The following FAM193A variants were observed in gnomAD, a reference collection of about 807,000 sequenced individuals.
FAM193A encodes family with sequence similarity 193 member A, also known as protein FAM193A.
In FAM193A, 22 loss-of-function variants were observed where a neutral mutation model predicts 126.5. The ratio of observed to expected loss-of-function variants is 0.17; its 90% CI spans 0.12 to 0.25. The LOEUF is 0.25. Among genes scored for constraint, FAM193A ranks in the 10% least tolerant of loss-of-function variants. The pLI is 1.00. For missense variants in FAM193A, 1,675 were observed against 1,672.8 expected, an observed-to-expected ratio of 1.00 and a Z score of -0.02; for synonymous variants, 761 against 646.8, an observed-to-expected ratio of 1.18 and a Z score of -2.68.
intron 12 of FAM193A, among the ~76,000 whole-genome samples, chr4:2,665,901 C>T (rs1401763138): frequency 2.6e-5 from 4 of 152,116 alleles, no homozygotes; most frequent in African/African-American, 7.2e-5. Context: ...GGCTGGTGTG[C>T]AGTGGTGCTA....
chr4:2,559,641 C>T (rs1251406588), intron 1 of FAM193A, among the ~76,000 whole-genome samples: 1 of 152,164 alleles, frequency 6.6e-6, no homozygotes, highest in African/African-American at 2.4e-5. Context: ...TAGTCTACTG[C>T]ATTTTCTCTT....
At chr4:2,580,539 G>C (rs1331414938) in intron 1 of FAM193A, among the ~76,000 whole-genome samples, 1 of 152,196 alleles carries the variant, frequency 6.6e-6, no homozygotes, top group Non-Finnish European at 1.5e-5. Flanking sequence ...CTGCTGGGAA[G>C]TGTTGGATCA....
At chr4:2,589,206 A>C (rs1740390831) in intron 1 of FAM193A, among the ~76,000 whole-genome samples, 1 of 152,248 alleles carries the variant, frequency 6.6e-6, no homozygotes, top group South Asian at 2.1e-4. Flanking sequence ...GTAACATTAC[A>C]TGGAGAAAAG....
At chr4:2,643,922 AT>A (rs1560513758) in intron 6 of FAM193A, among the ~76,000 whole-genome samples, 1 of 152,184 alleles carries the variant, frequency 6.6e-6, no homozygotes, top group African/African-American at 2.4e-5. Flanking sequence ...TTCACTTTAA[AT>A]ATGTATTAAT....
intron 12 of FAM193A, among the ~76,000 whole-genome samples, chr4:2,663,768 A>C (rs1227678726): frequency 1.3e-5 from 2 of 152,176 alleles, no homozygotes; most frequent in Admixed American, 6.5e-5. Flanking sequence ...GGAATCCAAG[A>C]CCAGGCTGGC....
intron 1 of FAM193A, among the ~76,000 whole-genome samples, chr4:2,586,244 C>CAA (rs71178483): frequency 2.4e-4 from 34 of 143,530 alleles, no homozygotes; most frequent in Non-Finnish European, 3.5e-4. Context: ...AACTCCGTCT[C>CAA]AAAAAAAAAA....
rs767666139 is a variant in FAM193A, at chr4:2,699,772, T to G, written c.3600T>G (p.Asp1200Glu). Residue 1200 changes from aspartate to glutamate, a missense_variant, in exon 19 of 21, where the codon GAT (aspartate) becomes GAG (glutamate). Asp to Glu is a conservative substitution (Grantham distance 45). This residue lies in a region of FAM193A where 415 missense variants were observed against 396.7 expected (regional missense o/e 1.05). Transcript: ENST00000637812. ...AGAGGCGGCGGGAGGAGGAGGAGGA[T>G]GAGGAAGAAGAGGAGGATCGTTTCA... ...EEQRRREEEE[D>E]EEEEEDRFKE... 4.7e-5 allele frequency: 75 copies of G among 1,612,736 alleles called. No individual in the cohort carries two copies. The highest frequency in any genetic ancestry group is 6.2e-5 in the Non-Finnish European group (73 of 1,179,614).
chr4:2,677,215 T>G (rs1417606814), intron 13 of FAM193A, among the ~76,000 whole-genome samples: 2 of 152,226 alleles, frequency 1.3e-5, no homozygotes, highest in Admixed American at 1.3e-4. Context: ...GCCCTTTTCC[T>G]GTTGAAGGAT....
chr4:2,578,798 CTATT>C (rs773436413), intron 1 of FAM193A, among the ~76,000 whole-genome samples: 4 of 152,012 alleles, frequency 2.6e-5, no homozygotes, highest in Admixed American at 1.3e-4. Flanking sequence ...GTTATATTTA[CTATT>C]TATTAAGTGG....
intron 1 of FAM193A, among the ~76,000 whole-genome samples, chr4:2,562,323 G>A (rs753194616): frequency 9.9e-5 from 15 of 152,108 alleles, no homozygotes; most frequent in South Asian, 2.1e-4. Context: ...GCGGTGGTGC[G>A]TGCCTGTAGT....
intron 2 of FAM193A, among the ~76,000 whole-genome samples, chr4:2,609,002 T>G (rs1741704386): frequency 1.3e-5 from 2 of 151,644 alleles, no homozygotes; most frequent in South Asian, 4.2e-4. Flanking sequence ...GCCATTCTCC[T>G]GCCTCAGCCT....
At chr4:2,610,452 T>C (rs1741798105) in intron 2 of FAM193A, among the ~76,000 whole-genome samples, 2 of 152,210 alleles carry the variant, frequency 1.3e-5, no homozygotes, top group Non-Finnish European at 2.9e-5. Context: ...TTCATGAAAG[T>C]AGTTGCTAAT....
At chr4:2,536,373 C>T (rs1360067532), upstream of FAM193A, among the ~76,000 whole-genome samples, 3 of 151,866 alleles carry the variant, frequency 2.0e-5, no homozygotes, top group Non-Finnish European at 4.4e-5. Flanking sequence ...GCTCCCTGGC[C>T]CCAGCTCCTC....
intron 1 of FAM193A, among the ~76,000 whole-genome samples, chr4:2,561,158 T>G (rs1738590235): frequency 6.6e-6 from 1 of 152,214 alleles, no homozygotes; most frequent in South Asian, 2.1e-4. Flanking sequence ...ACACTTAATA[T>G]GTTAGGCATA....
At chr4:2,711,222 T>A (rs1465183756) in intron 19 of FAM193A, among the ~76,000 whole-genome samples, 2 of 152,198 alleles carry the variant, frequency 1.3e-5, no homozygotes, top group African/African-American at 4.8e-5. Flanking sequence ...CAGTTCATTT[T>A]GTTTTTTCTT....
chr4:2,730,169 AAGT>A (rs1721213315), intron 20 of FAM193A, among the ~76,000 whole-genome samples: 1 of 152,096 alleles, frequency 6.6e-6, no homozygotes, highest in Non-Finnish European at 1.5e-5. Flanking sequence ...CAGCCTCCCA[AAGT>A]AGTAGGAAAA....
chr4:2,576,066 C>T (rs770052612), intron 1 of FAM193A, among the ~76,000 whole-genome samples: 2 of 152,064 alleles, frequency 1.3e-5, no homozygotes, highest in Non-Finnish European at 2.9e-5. Flanking sequence ...GCAGTAATAC[C>T]GGGTAGCTGT....
In FAM193A at chr4:2,672,385, A is replaced by C. The variant is rs1713920002; in HGVS notation, c.2331+13A>C. 1 of 1,612,958 alleles carries C rather than the reference A, an allele frequency of 6.2e-7. No homozygotes were observed. Among genetic ancestry groups the C allele is most frequent in the Non-Finnish European group, 8.5e-7 (1 of 1,179,108 alleles). On this transcript the variant is annotated intron_variant, in intron 13 of 20. Coordinates refer to ENST00000637812, the MANE Select transcript of FAM193A (RefSeq NM_001366318.2). The stretch of plus-strand genomic sequence containing the variant: ...CACACACAGTAAGGTAAGTCAGGGC[A>C]AAAAGGGTCTGAAAGCTCACTCTTC...
chr4:2,628,976 G>A (rs139842873), intron 4 of FAM193A, among the ~76,000 whole-genome samples: 4,361 of 151,348 alleles, frequency 0.029, 220 homozygotes, highest in African/African-American at 0.1. Flanking sequence ...CCTCAGCCTC[G>A]CGAGTAGCTG....
Sources: allele counts gnomAD v4.1 joint callset (sites outside exome capture counted in the v4.1 genomes callset), GRCh38; gene constraint gnomAD v4.1.1; regional missense constraint gnomAD v4.1.1; transcripts MANE v1.5; gene names NCBI Gene and HGNC (gene_info 2026-07-23, HGNC 2026-07-21).